The following ULK4 variants were observed in gnomAD, a reference collection of about 807,000 sequenced individuals.
The protein encoded by ULK4 is unc-51 like kinase 4.
A neutral mutation model predicts 160.6 loss-of-function variants in ULK4; 133 were observed. That is an observed-to-expected ratio of 0.83 (90% CI 0.72 to 0.96). The LOEUF (loss-of-function observed/expected upper bound fraction) is 0.96, where lower values mean the gene tolerates loss of function less well. Among genes scored for constraint, ULK4 ranks in the 40% least tolerant of loss-of-function variants. The pLI is 0.00. For missense variants in ULK4, 1,580 were observed against 1,499.5 expected (o/e 1.05, Z -0.89); for synonymous variants, 534 against 539.8 (o/e 0.99, Z 0.15).
At chr3:41,648,246 C>G (rs536471870) in intron 30 of ULK4, among the ~76,000 whole-genome samples, 1 of 152,152 alleles carries the variant, frequency 6.6e-6, no homozygotes, top group Non-Finnish European at 1.5e-5. Context: ...GAGATGAACC[C>G]GGTACCTCAG....
chr3:41,682,507 T>C (rs2035955866), intron 27 of ULK4, among the ~76,000 whole-genome samples: 1 of 152,238 alleles, frequency 6.6e-6, no homozygotes, highest in Non-Finnish European at 1.5e-5. Context: ...TCTATACTGA[T>C]AAAAGAGCAG....
At chr3:41,353,008 C>T (rs935046609) in intron 35 of ULK4, among the ~76,000 whole-genome samples, 1 of 152,220 alleles carries the variant, frequency 6.6e-6, no homozygotes, top group African/African-American at 2.4e-5. Context: ...CTTCCCCTCC[C>T]CAGCCTTTAC....
At position 41,800,287 on chromosome 3, in the gene ULK4, G is replaced by A. The variant is rs189598385; in HGVS notation, c.1855C>T (p.Arg619Cys). The change falls in exon 20 of 37, where the codon CGT becomes TGT. Residue 619 changes from arginine (R) to cysteine (C), a missense_variant. Physicochemically the swap from Arg to Cys is radical, Grantham distance 180. Transcript: ENST00000301831. ...TTTGCTGCCATGTGATTCACAACAC[G>A]CTCTTCCTATAGAGAAAGGAGATTA... ...LMRCLREGEE[R>C]VVNHMAAKII... 505 of 1,610,808 alleles carry A rather than the reference G, an allele frequency of 3.1e-4. 2 individuals are homozygous for A. The Middle Eastern group carries it at 3.7e-3, about 12-fold the overall frequency.
intron 23 of ULK4, 105 bp downstream of exon 23, chr3:41,717,623 C>T: frequency 7.2e-7 from 1 of 1,384,518 alleles, no homozygotes; most frequent in Non-Finnish European, 9.8e-7. Flanking sequence ...TCTGCATTTG[C>T]CTTCAAGAAC....
intron 22 of ULK4, among the ~76,000 whole-genome samples, chr3:41,739,039 C>T (rs542007573): frequency 7.2e-5 from 11 of 151,988 alleles, no homozygotes; most frequent in Admixed American, 7.2e-4. Context: ...GATTACTATT[C>T]TCCTTTTGAT....
rs71075470 is a variant in ULK4, at chr3:41,506,767, A to AAT, written c.3227-43516_3227-43515dup. On this transcript the variant is annotated intron_variant, in intron 32 of 36. Transcript: ENST00000301831. ...AGCAATACACTGGAGTGTGATTTAAAATATATATATATATATATATATATA... is the reference window on the plus strand; with the variant it reads ...AGCAATACACTGGAGTGTGATTTAAAATATATATATATATATATATATATATA... 6.3e-3 allele frequency among the ~76,000 whole-genome samples: 356 copies of AAT among 56,766 alleles called. 17 individuals are homozygous for AAT. The highest frequency in any genetic ancestry group is 0.029 in the East Asian group (35 of 1,216). The allele number at this position is 56,766 out of a possible 152,430, so 37.2% of individuals were successfully genotyped here. A position where few individuals can be genotyped will look rare whatever the true frequency, so the allele number is the denominator to read the frequency against.
In ULK4 at chr3:41,776,637, G is replaced by A. The variant is rs1046653228; in HGVS notation, c.2193+13024C>T. 7.0e-5 allele frequency among the ~76,000 whole-genome samples: 10 copies of A among 142,360 alleles called. 1 individual carries two copies. Among genetic ancestry groups the A allele is most frequent in the African/African-American group, 2.7e-4 (10 of 36,616 alleles). The allele number at this position is 142,360 out of a possible 152,430, so 93.4% of individuals were successfully genotyped here. A position where few individuals can be genotyped will look rare whatever the true frequency, so the allele number is the denominator to read the frequency against. ...TTGAAAGTTTTTAGCATGAAGGGTT[G>A]TTGAATTTTGTCAAAGGCTTTTTCT... is the stretch of plus-strand genomic sequence containing the variant. On this transcript the variant is annotated intron_variant, in intron 21 of 36. Coordinates refer to ENST00000301831, the MANE Select transcript of ULK4 (RefSeq NM_017886.4).
intron 32 of ULK4, among the ~76,000 whole-genome samples, chr3:41,551,553 G>A (rs936740452): frequency 6.6e-6 from 1 of 151,722 alleles, no homozygotes; most frequent in African/African-American, 2.4e-5. Context: ...ATATACAACT[G>A]CCAAGATTGA....
intron 21 of ULK4, among the ~76,000 whole-genome samples, chr3:41,786,452 A>G (rs540333434): frequency 6.6e-6 from 1 of 152,150 alleles, no homozygotes; most frequent in South Asian, 2.1e-4. Context: ...AAATACAAAA[A>G]TTAGCCAGAC....
intron 22 of ULK4, among the ~76,000 whole-genome samples, chr3:41,747,755 G>A (rs2038466423): frequency 6.6e-6 from 1 of 152,086 alleles, no homozygotes; most frequent in South Asian, 2.1e-4. Context: ...ACAAAGGAAA[G>A]GCCATGCGAG....
At chr3:41,744,696 A>G (rs2038357984) in intron 22 of ULK4, among the ~76,000 whole-genome samples, 1 of 151,900 alleles carries the variant, frequency 6.6e-6, no homozygotes, top group Non-Finnish European at 1.5e-5. Context: ...TATCTAAACA[A>G]CGCAATGAAA....
intron 22 of ULK4, among the ~76,000 whole-genome samples, chr3:41,722,344 A>ACAGAC (rs368943028): frequency 0.058 from 8,892 of 152,206 alleles, 344 homozygotes; most frequent in Non-Finnish European, 0.087. Context: ...AAAATGAAAG[A>ACAGAC]CAGACCGGGC....
chr3:41,946,857 T>C (rs1461786275), intron 2 of ULK4, among the ~76,000 whole-genome samples: 1 of 152,212 alleles, frequency 6.6e-6, no homozygotes, highest in Non-Finnish European at 1.5e-5. Context: ...ACAAAGCTTC[T>C]TGTCTGAAAA....
At chr3:41,757,028 A>T (rs1222279474) in intron 21 of ULK4, among the ~76,000 whole-genome samples, 1 of 146,948 alleles carries the variant, frequency 6.8e-6, no homozygotes, top group Non-Finnish European at 1.5e-5. Flanking sequence ...CCACATAGAA[A>T]TAGAACACTA....
At chr3:41,304,979 G>C (rs1036599934) in intron 35 of ULK4, among the ~76,000 whole-genome samples, 1 of 152,154 alleles carries the variant, frequency 6.6e-6, no homozygotes, top group Admixed American at 6.5e-5. Context: ...ATGAGGTGGG[G>C]AACATTCTCC....
Position 41,911,623 on chromosome 3 carries a change from G to A in ULK4, c.933C>T (p.Ser311=), listed in dbSNP as rs746915785. The change falls in exon 10 of 37, where the codon TCC becomes TCT. Residue 311 remains serine (S), a synonymous_variant. Transcript: ENST00000301831. Reference sequence around the variant, plus strand: ...TCTGAGAGTTCTGCAAAAGCTCCTTGGAATCTTGTGGCCCAGAACACTCCA... The same window carrying A: ...TCTGAGAGTTCTGCAAAAGCTCCTTAGAATCTTGTGGCCCAGAACACTCCA... ...NTMECSGPQD[S]KELLQNSQSR... 2 of 1,613,798 alleles carry A rather than the reference G, an allele frequency of 1.2e-6. No individual in the cohort carries two copies. The highest frequency in any genetic ancestry group is 2.2e-5 in the South Asian group (2 of 91,082).
At chr3:41,415,089 T>A (rs1201893240) in intron 34 of ULK4, among the ~76,000 whole-genome samples, 1 of 152,210 alleles carries the variant, frequency 6.6e-6, no homozygotes, top group African/African-American at 2.4e-5. Flanking sequence ...GCTCTTTCCA[T>A]GTACATTATG....
chr3:41,273,178 G>C (rs2079167794), intron 35 of ULK4, among the ~76,000 whole-genome samples: 1 of 152,016 alleles, frequency 6.6e-6, no homozygotes, highest in Admixed American at 6.6e-5. Flanking sequence ...CTTGATCTTT[G>C]CTTTCAAATA....
intron 31 of ULK4, among the ~76,000 whole-genome samples, chr3:41,585,950 G>A (rs957324114): frequency 3.3e-5 from 5 of 151,942 alleles, no homozygotes; most frequent in South Asian, 4.1e-4. Context: ...AATCAAAACC[G>A]CAATGATATA....
Sources: gnomAD v4.1 joint callset for allele counts (sites outside exome capture counted in the v4.1 genomes callset) on GRCh38, gnomAD v4.1.1 for gene constraint, MANE v1.5 for transcripts, NCBI Gene and HGNC (gene_info 2026-07-23, HGNC 2026-07-21) for gene names.